Variants in ROBO1 observed in about 807,000 individuals in gnomAD.
ROBO1 encodes the protein roundabout homolog 1.
ROBO1 carries 149 observed loss-of-function variants against 195.9 expected under a neutral mutation model. The ratio of observed to expected loss-of-function variants is 0.76; its 90% CI spans 0.67 to 0.87. ROBO1 has a LOEUF of 0.87. ROBO1 is among the 40% of genes least tolerant of loss of function. ROBO1 has a pLI of 0.00. For synonymous variants in ROBO1, 816 were observed against 733.2 expected (o/e 1.11, Z -1.82); for missense variants, 1,933 against 2,068.3 (o/e 0.93, Z 1.27).
At chr3:79,478,401 C>A (rs1186939765) in intron 2 of ROBO1, among the ~76,000 whole-genome samples, 2 of 148,438 alleles carry the variant, frequency 1.3e-5, no homozygotes, top group East Asian at 2.0e-4. Context: ...CCCCACCCCC[C>A]AAAAAAAAGA....
chr3:79,606,329 C>T (rs750986618), intron 1 of ROBO1, among the ~76,000 whole-genome samples: 6 of 151,970 alleles, frequency 3.9e-5, no homozygotes, highest in South Asian at 2.1e-4. Context: ...TTTCAAGCAA[C>T]GTGACTCATG....
chr3:79,598,333 C>A (rs1944242286), intron 1 of ROBO1, among the ~76,000 whole-genome samples: 1 of 151,956 alleles, frequency 6.6e-6, no homozygotes, highest in Admixed American at 6.6e-5. Flanking sequence ...GAATCTTATC[C>A]TTCAACCTAC....
At chr3:79,049,932 T>G (rs1371035914) in intron 3 of ROBO1, among the ~76,000 whole-genome samples, 2 of 152,094 alleles carry the variant, frequency 1.3e-5, no homozygotes, top group Admixed American at 6.6e-5. Context: ...CACCAGCCAC[T>G]GAAAAACATG....
At chr3:79,268,806 G>T (rs2030242390) in intron 2 of ROBO1, among the ~76,000 whole-genome samples, 1 of 151,546 alleles carries the variant, frequency 6.6e-6, no homozygotes, top group Non-Finnish European at 1.5e-5. Context: ...GATTGACATG[G>T]GTTTTGAGTA....
intron 2 of ROBO1, among the ~76,000 whole-genome samples, chr3:79,373,906 T>A (rs1009838536): frequency 2.6e-5 from 4 of 152,228 alleles, no homozygotes; most frequent in African/African-American, 4.8e-5. Flanking sequence ...AGCTGATTAC[T>A]GTTATCCATT....
intron 2 of ROBO1, among the ~76,000 whole-genome samples, chr3:79,502,253 G>A (rs1373529014): frequency 6.6e-6 from 1 of 152,192 alleles, no homozygotes; most frequent in East Asian, 1.9e-4. Flanking sequence ...GGGGAGGTGT[G>A]GAGGGAGATG....
chr3:79,068,485 T>A (rs1475583341), intron 3 of ROBO1, among the ~76,000 whole-genome samples: 2 of 151,958 alleles, frequency 1.3e-5, no homozygotes, highest in Non-Finnish European at 2.9e-5. Context: ...TTATATACTT[T>A]ATTATTTCAC....
chr3:78,601,495 A>G (rs1507417), intron 29 of ROBO1, among the ~76,000 whole-genome samples: 30,592 of 152,152 alleles, frequency 0.2, 3,310 homozygotes, highest in East Asian at 0.44. Flanking sequence ...GCTTCTCTTC[A>G]TAACACTTGA....
chr3:79,108,203 C>T (rs1454872418), intron 3 of ROBO1, among the ~76,000 whole-genome samples: 3 of 151,618 alleles, frequency 2.0e-5, no homozygotes, highest in Admixed American at 6.6e-5. Flanking sequence ...ATAGAAAGTA[C>T]CCCAAGATAC....
intron 10 of ROBO1, among the ~76,000 whole-genome samples, chr3:78,682,836 T>C (rs1490739172): frequency 6.6e-6 from 1 of 151,086 alleles, no homozygotes; most frequent in African/African-American, 2.4e-5. Flanking sequence ...GACTTTTTTA[T>C]ATTAACCTTG....
At chr3:78,667,850 A>G in intron 14 of ROBO1, 33 bp downstream of exon 14, 1 of 1,593,044 alleles carries the variant, frequency 6.3e-7, no homozygotes, top group Non-Finnish European at 8.6e-7. Flanking sequence ...AAGGATAAGT[A>G]GGTGTCACAG....
chr3:79,406,680 GGAAA>G (rs2037563931), intron 2 of ROBO1, among the ~76,000 whole-genome samples: 1 of 151,846 alleles, frequency 6.6e-6, no homozygotes, highest in Non-Finnish European at 1.5e-5. Flanking sequence ...AGTTATTCCT[GGAAA>G]GATGTTTAGG....
intron 3 of ROBO1, among the ~76,000 whole-genome samples, chr3:79,092,026 T>C (rs1246899627): frequency 1.3e-5 from 2 of 152,058 alleles, no homozygotes; most frequent in Non-Finnish European, 2.9e-5. Flanking sequence ...GAGAATAGAC[T>C]GTAGGGGGCA....
intron 4 of ROBO1, among the ~76,000 whole-genome samples, chr3:78,899,986 T>G (rs2037486905): frequency 6.6e-6 from 1 of 152,218 alleles, no homozygotes; most frequent in South Asian, 2.1e-4. Flanking sequence ...TCTGAAGCAC[T>G]GCAGTTGCTC....
chr3:79,377,388 C>A (rs563395983), intron 2 of ROBO1, among the ~76,000 whole-genome samples: 8 of 152,124 alleles, frequency 5.3e-5, no homozygotes, highest in Non-Finnish European at 8.8e-5. Flanking sequence ...TGCCAAATAT[C>A]TTTGAGGAAA....
At chr3:79,517,878 G>C (rs1941020137) in intron 2 of ROBO1, among the ~76,000 whole-genome samples, 1 of 152,198 alleles carries the variant, frequency 6.6e-6, no homozygotes, top group South Asian at 2.1e-4. Context: ...AACAATGATT[G>C]AATGAATGAA....
At chr3:78,666,966 C>A (rs1707772912) in intron 14 of ROBO1, among the ~76,000 whole-genome samples, 1 of 151,980 alleles carries the variant, frequency 6.6e-6, no homozygotes, top group Non-Finnish European at 1.5e-5. Context: ...GTTCGAATCA[C>A]TCCCCTCTAG....
chr3:78,939,640 A>C (rs1303022454), intron 3 of ROBO1, among the ~76,000 whole-genome samples: 3 of 151,382 alleles, frequency 2.0e-5, no homozygotes, highest in Non-Finnish European at 4.4e-5. Flanking sequence ...AAAAAGAAAA[A>C]AAAATGCTAT....
chr3:79,057,012 T>C (rs1395596159), intron 3 of ROBO1, among the ~76,000 whole-genome samples: 2 of 152,112 alleles, frequency 1.3e-5, no homozygotes, highest in Admixed American at 1.3e-4. Context: ...TTCCGTACTG[T>C]GGCAAATTCA....
Sources: allele counts gnomAD v4.1 joint callset (sites outside exome capture counted in the v4.1 genomes callset), GRCh38; gene constraint gnomAD v4.1.1; transcripts MANE v1.5; gene names NCBI Gene and HGNC (gene_info 2026-07-23, HGNC 2026-07-21).